The following TRIM42 variants were observed in gnomAD, a reference collection of about 807,000 sequenced individuals.
TRIM42 encodes the protein tripartite motif containing 42.
In TRIM42, 59 loss-of-function variants were observed where a neutral mutation model predicts 64.9. The observed-to-expected ratio is 0.91, with a 90% CI of 0.74 to 1.13. The LOEUF (loss-of-function observed/expected upper bound fraction) is 1.13. Ranked by LOEUF, TRIM42 falls within the 50% of genes most tolerant of loss-of-function variation. The probability of loss-of-function intolerance (pLI) is 0.00; values close to 1 mark genes in which losing one functional copy is unlikely to be tolerated. For missense variants in TRIM42, 878 were observed against 929.5 expected (o/e 0.94, Z 0.72); for synonymous variants, 354 against 346.3 (o/e 1.02, Z -0.25).
At position 140,688,701 on chromosome 3, in the gene TRIM42, A is replaced by G. The variant is rs7634179; in HGVS notation, c.1860+159A>G. 9.2e-3 allele frequency among the ~76,000 whole-genome samples: 1,403 copies of G among 152,272 alleles called. 25 individuals carry two copies. Among genetic ancestry groups the G allele is most frequent in the African/African-American group, 0.032 (1,340 of 41,534 alleles). ...TTTGTGGTCATCCCATTCAAAAGGGATAAGCTCCTGGAATCTTAAGTAACC... is the reference window on the plus strand; with the variant it reads ...TTTGTGGTCATCCCATTCAAAAGGGGTAAGCTCCTGGAATCTTAAGTAACC... On this transcript the variant is annotated intron_variant, in intron 3 of 4. Transcript: ENST00000286349.
At chr3:140,687,322 C>G (rs1325559246) in intron 2 of TRIM42, among the ~76,000 whole-genome samples, 1 of 152,344 alleles carries the variant, frequency 6.6e-6, no homozygotes, top group Middle Eastern at 3.4e-3. Flanking sequence ...CCTCTTACCA[C>G]TGCAAAAGCT....
rs1215914525 is a variant in TRIM42, at chr3:140,688,382, C to T, written c.1700C>T (p.Pro567Leu). 6.2e-7 allele frequency: 1 copy of T among 1,614,052 alleles called. No individual in the cohort carries two copies. Among genetic ancestry groups the T allele is most frequent in the Non-Finnish European group, 8.5e-7 (1 of 1,180,030 alleles). ...GCCCAGTCAGCCACCCCCGCCAAAC[C>T]CACAGACGGCCTCTACACCTACTGG... ...GRAQSATPAK[P>L]TDGLYTYWSA... Residue 567 changes from proline to leucine, a missense_variant, in exon 3 of 5, where the codon CCC becomes CTC. By Grantham distance (98) the Pro-to-Leu change is moderately conservative. Transcript: ENST00000286349.
intron 2 of TRIM42, among the ~76,000 whole-genome samples, chr3:140,687,294 G>A (rs953646264): frequency 6.6e-6 from 1 of 152,148 alleles, no homozygotes; most frequent in African/African-American, 2.4e-5. Context: ...AGAAGTAGTC[G>A]GCAGAAACTT....
chr3:140,678,161 C>A lies in TRIM42; in HGVS notation c.-69C>A, dbSNP rs1266213996. ...GAGGAAGGACTCCTCCACTGGAGAA[C>A]TGATAGCAGTATTCTGGTAGAGGAG... On this transcript the variant is annotated 5_prime_UTR_variant, in exon 1 of 5. It adds an upstream start codon to the 5' untranslated region. Transcript: ENST00000286349. 3 of 1,394,266 alleles carry A rather than the reference C, an allele frequency of 2.2e-6. No homozygotes were observed. Among genetic ancestry groups the A allele is most frequent in the Admixed American group, 1.8e-5 (1 of 56,098 alleles). 86.4% of individuals were successfully genotyped at this position (1,394,266 alleles called of 1,614,324 possible). A position where few individuals can be genotyped will look rare whatever the true frequency, so the allele number is the denominator to read the frequency against.
Position 140,683,084 on chromosome 3 carries a change from G to A in TRIM42, c.964G>A (p.Asp322Asn), listed in dbSNP as rs149885263. ...CAAGTTCTCTTTCCACAATGGCCACGACACCATTAGCCTCATCGACGCCTG... is the reference window on the plus strand; with the variant it reads ...CAAGTTCTCTTTCCACAATGGCCACAACACCATTAGCCTCATCGACGCCTG... ...FCKFSFHNGHDTISLIDACSE... is the reference protein window; with the variant it reads ...FCKFSFHNGHNTISLIDACSE... Residue 322 changes from aspartate (D) to asparagine (N), a missense_variant, in exon 2 of 5, where the codon GAC becomes AAC. Physicochemically the swap from Asp to Asn is conservative, Grantham distance 23. Coordinates refer to ENST00000286349, the MANE Select transcript of TRIM42 (RefSeq NM_152616.5). 64 of 1,614,020 alleles carry A rather than the reference G, an allele frequency of 4.0e-5. No individual in the cohort carries two copies. The highest frequency in any genetic ancestry group is 5.0e-5 in the Non-Finnish European group (59 of 1,180,044).
chr3:140,700,442 A>C (rs1455383380), intron 4 of TRIM42, among the ~76,000 whole-genome samples: 1 of 152,206 alleles, frequency 6.6e-6, no homozygotes, highest in Non-Finnish European at 1.5e-5. Context: ...ATGAAAGACT[A>C]TCATTTCCCC....
At chr3:140,695,930 G>T (rs1266585315) in intron 4 of TRIM42, among the ~76,000 whole-genome samples, 2 of 152,128 alleles carry the variant, frequency 1.3e-5, no homozygotes, top group Non-Finnish European at 2.9e-5. Flanking sequence ...ATCTCCTTAG[G>T]ATTTATTCTT....
Position 140,691,142 on chromosome 3 carries a change from G to A in TRIM42, c.2035G>A (p.Val679Ile), listed in dbSNP as rs143631113. 6.2e-7 allele frequency: 1 copy of A among 1,614,016 alleles called. No homozygotes were observed. Among genetic ancestry groups the A allele is most frequent in the Non-Finnish European group, 8.5e-7 (1 of 1,180,012 alleles). ...CCCCAACACAGAATACGTGTTTAAAGTTAGAGCCATCAATGATAATGGTCC... is the reference window on the plus strand; with the variant it reads ...CCCCAACACAGAATACGTGTTTAAAATTAGAGCCATCAATGATAATGGTCC... ...LTPNTEYVFKVRAINDNGPGQ... is the reference protein window; with the variant it reads ...LTPNTEYVFKIRAINDNGPGQ... Residue 679 changes from valine (V) to isoleucine (I), a missense_variant, in exon 4 of 5, where the codon GTT becomes ATT. Val to Ile is a conservative substitution (Grantham distance 29). Coordinates refer to ENST00000286349, the MANE Select transcript of TRIM42 (RefSeq NM_152616.5).
chr3:140,700,696 T>C (rs1404338309), intron 4 of TRIM42, among the ~76,000 whole-genome samples, 192 bp from the exon 5 acceptor site: 1 of 152,244 alleles, frequency 6.6e-6, no homozygotes, highest in East Asian at 1.9e-4. Context: ...ACACTATAGC[T>C]GTGGGGCTTT....
At position 140,687,927 on chromosome 3, in the gene TRIM42, T is replaced by G. The variant is rs1338258978; in HGVS notation, c.1245T>G (p.Val415=). ...AGGAAATTGAAAAATATGTGTATGT[T>G]ACAACCATGAAAGTGAACGAGATGG... ...RQKEIEKYVY[V]TTMKVNEMDG... is the part of the protein sequence containing the mutation. The change falls in exon 3 of 5, where the codon GTT becomes GTG. Residue 415 remains valine, a synonymous_variant. Transcript: ENST00000286349. 6.2e-7 allele frequency: 1 copy of G among 1,614,114 alleles called. No homozygotes were observed. The highest frequency in any genetic ancestry group is 8.5e-7 in the Non-Finnish European group (1 of 1,179,992).
Position 140,688,419 on chromosome 3 carries a change from A to C in TRIM42, c.1737A>C (p.Ala579=). Residue 579 remains alanine, a synonymous_variant, in exon 3 of 5, where the codon GCA becomes GCC. Coordinates refer to ENST00000286349, the MANE Select transcript of TRIM42 (RefSeq NM_152616.5). The part of the protein sequence containing the change: ...DGLYTYWSAG[A]DSQSVQNSSS... ...TCTACACCTACTGGAGTGCTGGAGC[A>C]GACAGCCAGTCTGTACAGAACAGCA... is the stretch of plus-strand genomic sequence containing the variant. 6.2e-7 allele frequency: 1 copy of C among 1,614,198 alleles called. No individual in the cohort carries two copies. Among genetic ancestry groups the C allele is most frequent in the East Asian group, 2.2e-5 (1 of 44,888 alleles).
intron 2 of TRIM42, among the ~76,000 whole-genome samples, chr3:140,683,442 C>G (rs976100630): frequency 6.6e-6 from 1 of 152,188 alleles, no homozygotes; most frequent in Non-Finnish European, 1.5e-5. Context: ...GTGAGTTCCT[C>G]TATGTAAAGC....
At chr3:140,683,989 G>A (rs980864326) in intron 2 of TRIM42, among the ~76,000 whole-genome samples, 19 of 152,104 alleles carry the variant, frequency 1.2e-4, no homozygotes, top group African/African-American at 4.6e-4. Context: ...TATTTCACAG[G>A]ATTCAACAAA....
chr3:140,681,765 G>T (rs1468340680), intron 1 of TRIM42, among the ~76,000 whole-genome samples: 1 of 152,034 alleles, frequency 6.6e-6, no homozygotes, highest in Non-Finnish European at 1.5e-5. Flanking sequence ...AGTTATTACA[G>T]GATTTGGGCT....
chr3:140,678,694 G>A, intron 1 of TRIM42, 124 bp downstream of exon 1: 1 of 775,242 alleles, frequency 1.3e-6, no homozygotes, highest in Non-Finnish European at 2.0e-6. Flanking sequence ...CTAAAAGGAG[G>A]AGCCAAGAAT....
In TRIM42 at chr3:140,691,016, T is replaced by C; in HGVS notation, c.1909T>C (p.Phe637Leu). 1 of 1,614,096 alleles carries C rather than the reference T, an allele frequency of 6.2e-7. No individual in the cohort carries two copies. The highest frequency in any genetic ancestry group is 1.1e-5 in the South Asian group (1 of 91,070). Reference sequence around the variant, plus strand: ...AGACGTGGACTCTTTTGAGATGGAATTCTATGAAGTCATTACTTCTCCTCC... The same window carrying C: ...AGACGTGGACTCTTTTGAGATGGAACTCTATGAAGTCATTACTTCTCCTCC... ...AEDVDSFEME[F>L]YEVITSPPNN... Residue 637 changes from phenylalanine to leucine, a missense_variant, in exon 4 of 5, where the codon TTC becomes CTC. Physicochemically the swap from Phe to Leu is conservative, Grantham distance 22. Coordinates refer to ENST00000286349, the MANE Select transcript of TRIM42 (RefSeq NM_152616.5).
At chr3:140,698,544 ATTTGCCTGCCTGTAGTAATTATT>A (rs879823887) in intron 4 of TRIM42, among the ~76,000 whole-genome samples, 11 of 152,198 alleles carry the variant, frequency 7.2e-5, no homozygotes, top group Admixed American at 2.0e-4. Context: ...GGGTATGCTA[ATTTGCCTGCCTGTAGTAATTATT>A]TTACTTTGTA....
Position 140,678,099 on chromosome 3 carries a change from C to A in TRIM42, c.-131C>A. On this transcript the variant is annotated 5_prime_UTR_variant, in exon 1 of 5. Transcript: ENST00000286349. ...GCTGTGAAGTCCTCATAACAGCCAA[C>A]TTCTTGCAACTTTCAAGCTGACGGC... 1 of 834,310 alleles carries A rather than the reference C, an allele frequency of 1.2e-6. No homozygotes were observed. The highest frequency in any genetic ancestry group is 1.9e-6 in the Non-Finnish European group (1 of 513,108). 51.7% of individuals were successfully genotyped at this position (834,310 alleles called of 1,614,324 possible). A position where few individuals can be genotyped will look rare whatever the true frequency, so the allele number is the denominator to read the frequency against.
At chr3:140,690,531 GTATATATATATATATATATATATATATA>G (rs56969249) in intron 3 of TRIM42, among the ~76,000 whole-genome samples, 38,362 of 104,244 alleles carry the variant, frequency 0.37, 7,507 homozygotes, top group Middle Eastern at 0.59. Flanking sequence ...AAGTTTTTAT[GTATATATATATATATATATATATATATA>G]TATATATATA....
Sources: gnomAD v4.1 joint callset for allele counts (sites outside exome capture counted in the v4.1 genomes callset) on GRCh38, gnomAD v4.1.1 for gene constraint, MANE v1.5 for transcripts, NCBI Gene and HGNC (gene_info 2026-07-23, HGNC 2026-07-21) for gene names.